The following FAM3C variants were observed in gnomAD, a reference collection of about 807,000 sequenced individuals.
FAM3C encodes the protein protein FAM3C.
Under a neutral mutation model 32.5 loss-of-function variants are expected in FAM3C, and 15 were observed. The observed-to-expected ratio is 0.46, with a 90% confidence interval of 0.31 to 0.71. The LOEUF (loss-of-function observed/expected upper bound fraction) is 0.71, where lower values mean the gene tolerates loss of function less well. Ranked by LOEUF, FAM3C falls within the 30% of genes least tolerant of loss-of-function variation. The probability of loss-of-function intolerance (pLI) is 0.05; values close to 1 mark genes in which losing one functional copy is unlikely to be tolerated. For synonymous variants in FAM3C, 75 were observed against 86.1 expected (o/e 0.87, Z 0.72); for missense variants, 175 against 274.4 (o/e 0.64, Z 2.56).
At chr7:121,364,243 T>A in intron 5 of FAM3C, 55 bp from the exon 6 acceptor site, 2 of 1,167,534 alleles carry the variant, frequency 1.7e-6, no homozygotes, top group South Asian at 1.3e-5. Flanking sequence ...CAATAACATA[T>A]CAGAAAAATA....
chr7:121,355,199 T>A (rs926685254), intron 8 of FAM3C, among the ~76,000 whole-genome samples: 2 of 152,194 alleles, frequency 1.3e-5, no homozygotes, highest in African/African-American at 4.8e-5. Flanking sequence ...AAGGGAATAG[T>A]AGCTCAAGAA....
intron 3 of FAM3C, among the ~76,000 whole-genome samples, chr7:121,374,292 TAA>T (rs1451471005): frequency 2.0e-5 from 3 of 152,190 alleles, no homozygotes; most frequent in South Asian, 2.1e-4. Context: ...TATCTCAAAA[TAA>T]AGTTTTATAA....
chr7:121,386,881 C>T lies in FAM3C; in HGVS notation c.-41-3871G>A, dbSNP rs1794475904. 5.9e-5 allele frequency among the ~76,000 whole-genome samples: 9 copies of T among 152,088 alleles called. No individual in the cohort carries two copies. In the South Asian group the frequency reaches 1.9e-3, roughly 32 times the overall value. Reference sequence around the variant, plus strand: ...CTCAAAGAGTCACTAGGGTAGGTTACTCCGATGTTGCATTTACAAACAAAA... The same window carrying T: ...CTCAAAGAGTCACTAGGGTAGGTTATTCCGATGTTGCATTTACAAACAAAA... On this transcript the variant is annotated intron_variant, in intron 1 of 9. Transcript: ENST00000359943.
intron 1 of FAM3C, among the ~76,000 whole-genome samples, chr7:121,393,152 G>T (rs1296267428): frequency 6.6e-6 from 1 of 152,106 alleles, no homozygotes; most frequent in African/African-American, 2.4e-5. Context: ...CGTGCTAAAT[G>T]CCACACTTTA....
chr7:121,386,695 A>AT (rs1352691577), intron 1 of FAM3C, among the ~76,000 whole-genome samples: 1 of 71,900 alleles, frequency 1.4e-5, no homozygotes, highest in Non-Finnish European at 2.7e-5. Context: ...ACGCACACAT[A>AT]TATATATATA....
chr7:121,395,043 A>G (rs1471326327), intron 1 of FAM3C, among the ~76,000 whole-genome samples: 2 of 152,320 alleles, frequency 1.3e-5, no homozygotes, highest in African/African-American at 2.4e-5. Flanking sequence ...TAAAACTAGA[A>G]AAGATAAAGG....
intron 8 of FAM3C, among the ~76,000 whole-genome samples, chr7:121,358,202 C>T (rs2116879880): frequency 6.6e-6 from 1 of 152,216 alleles, no homozygotes; most frequent in Admixed American, 6.5e-5. Context: ...CTTCAGCTTA[C>T]AACCATTTAT....
At chr7:121,374,699 T>C (rs1437237299) in intron 3 of FAM3C, among the ~76,000 whole-genome samples, 1 of 152,180 alleles carries the variant, frequency 6.6e-6, no homozygotes, top group Non-Finnish European at 1.5e-5. Context: ...TGGCAACCAG[T>C]AAGGTTACAA....
chr7:121,371,610 C>A (rs1794148893), intron 4 of FAM3C, among the ~76,000 whole-genome samples, 187 bp from the exon 5 acceptor site: 1 of 151,758 alleles, frequency 6.6e-6, no homozygotes, highest in South Asian at 2.1e-4. Context: ...TAAAAAAAAA[C>A]AGCAACAAAG....
At chr7:121,361,770 G>C (rs559788866) in intron 7 of FAM3C, among the ~76,000 whole-genome samples, 2 of 152,130 alleles carry the variant, frequency 1.3e-5, no homozygotes, top group African/African-American at 2.4e-5. Flanking sequence ...CTGCCTCCCC[G>C]GTTCAAGGGA....
chr7:121,358,904 C>T (rs974977277), intron 8 of FAM3C, among the ~76,000 whole-genome samples: 1 of 151,574 alleles, frequency 6.6e-6, no homozygotes, highest in Non-Finnish European at 1.5e-5. Context: ...TGGTTAATAT[C>T]CTTAAAACGT....
chr7:121,369,890 G>A (rs1000271839), intron 5 of FAM3C, among the ~76,000 whole-genome samples: 3 of 152,112 alleles, frequency 2.0e-5, no homozygotes, highest in Non-Finnish European at 4.4e-5. Context: ...TTTTTTCTGA[G>A]TGTGTTTTGT....
intron 9 of FAM3C, among the ~76,000 whole-genome samples, chr7:121,350,842 C>A (rs1486027017): frequency 6.6e-6 from 1 of 152,156 alleles, no homozygotes; most frequent in Non-Finnish European, 1.5e-5. Context: ...TTCACTGATT[C>A]TAAAATCCAA....
chr7:121,394,130 C>T (rs1794637154), intron 1 of FAM3C, among the ~76,000 whole-genome samples: 1 of 152,158 alleles, frequency 6.6e-6, no homozygotes, highest in African/African-American at 2.4e-5. Context: ...ATGATATCTA[C>T]AATTACTGGT....
chr7:121,358,410 C>G (rs998746039), intron 8 of FAM3C, among the ~76,000 whole-genome samples: 6 of 151,734 alleles, frequency 4.0e-5, no homozygotes, highest in African/African-American at 1.5e-4. Flanking sequence ...GTTTTTTATC[C>G]TTGATAAGTC....
At chr7:121,379,425 T>C (rs557918695) in intron 2 of FAM3C, among the ~76,000 whole-genome samples, 1 of 152,172 alleles carries the variant, frequency 6.6e-6, no homozygotes, top group African/African-American at 2.4e-5. Context: ...CTGGGGATGC[T>C]AAGGCCACAA....
At chr7:121,359,901 A>T in intron 8 of FAM3C, 142 bp downstream of exon 8, 1 of 607,536 alleles carries the variant, frequency 1.6e-6, no homozygotes, top group East Asian at 2.8e-5. Flanking sequence ...GGAAGGAGGC[A>T]AAGTAAAAAC....
intron 1 of FAM3C, among the ~76,000 whole-genome samples, chr7:121,395,012 G>A (rs910631894): frequency 5.3e-5 from 8 of 152,082 alleles, no homozygotes; most frequent in Admixed American, 3.9e-4. Context: ...CTTTACTCTC[G>A]GGAGTTCATA....
At chr7:121,353,240 C>T (rs1793742865) in intron 8 of FAM3C, among the ~76,000 whole-genome samples, 1 of 152,168 alleles carries the variant, frequency 6.6e-6, no homozygotes, top group Non-Finnish European at 1.5e-5. Flanking sequence ...GAATTTTGCA[C>T]CAACTAAGAA....
Sources: gnomAD v4.1 joint callset for allele counts (sites outside exome capture counted in the v4.1 genomes callset) on GRCh38, gnomAD v4.1.1 for gene constraint, MANE v1.5 for transcripts, NCBI Gene and HGNC (gene_info 2026-07-23, HGNC 2026-07-21) for gene names.